Variants in CELF4 observed in about 807,000 individuals in gnomAD.
CELF4 encodes the protein CUG-BP- and ETR-3-like factor 4.
Under a neutral mutation model 59.9 loss-of-function variants are expected in CELF4, and 18 were observed. The observed-to-expected ratio is 0.30, with a 90% CI of 0.21 to 0.45. The LOEUF is 0.45. Among genes scored for constraint, CELF4 ranks in the 20% least tolerant of loss-of-function variants. The pLI, the probability that CELF4 is intolerant of heterozygous loss-of-function variation, is 1.00. For synonymous variants in CELF4, 261 were observed against 267.1 expected (o/e 0.98, Z 0.22); for missense variants, 456 against 689.0 (o/e 0.66, Z 3.79).
At chr18:37,333,734 A>G (rs960728939) in intron 2 of CELF4, among the ~76,000 whole-genome samples, 1 of 148,032 alleles carries the variant, frequency 6.8e-6, no homozygotes, top group South Asian at 2.2e-4. Flanking sequence ...CCATCCATCC[A>G]TCCATCCATC....
chr18:37,560,311 G>A (rs2099986161), intron 1 of CELF4, among the ~76,000 whole-genome samples: 1 of 152,188 alleles, frequency 6.6e-6, no homozygotes, highest in Admixed American at 6.6e-5. Context: ...CTGTTTAAAA[G>A]ACAAATGAAA....
At chr18:37,427,910 T>C (rs1407887742) in intron 2 of CELF4, among the ~76,000 whole-genome samples, 2 of 152,222 alleles carry the variant, frequency 1.3e-5, no homozygotes, top group Non-Finnish European at 2.9e-5. Flanking sequence ...CCCAAATATA[T>C]GCACAACTGG....
intron 3 of CELF4, among the ~76,000 whole-genome samples, chr18:37,302,305 G>A (rs1329098159): frequency 6.6e-6 from 1 of 152,122 alleles, no homozygotes; most frequent in Admixed American, 6.5e-5. Flanking sequence ...GGGGAGAATA[G>A]AATTCCTGTC....
chr18:37,433,090 T>C (rs73947213), intron 2 of CELF4, among the ~76,000 whole-genome samples: 2,941 of 152,146 alleles, frequency 0.019, 84 homozygotes, highest in African/African-American at 0.067. Flanking sequence ...TGAGGGAAAG[T>C]GTGGCTAGGA....
In CELF4 at chr18:37,414,152, TA is replaced by T. The variant is rs149316684; in HGVS notation, c.369+71372del. Among the ~76,000 whole-genome samples, 486 of 152,296 alleles carry T rather than the reference TA, an allele frequency of 3.2e-3. 4 individuals carry two copies. Among genetic ancestry groups the T allele is most frequent in the African/African-American group, 0.011 (465 of 41,572 alleles). ...ACACTTGCTCATTGACTGAAAACAG[TA>T]TAATGCCAGTTTCAAGTTTCTTATT... On this transcript the variant is annotated intron_variant, in intron 2 of 12. Transcript: ENST00000420428.
chr18:37,445,044 A>G (rs955655173), intron 2 of CELF4, among the ~76,000 whole-genome samples: 1 of 152,104 alleles, frequency 6.6e-6, no homozygotes, highest in Non-Finnish European at 1.5e-5. Flanking sequence ...GGGGCATGTA[A>G]CTGTAACTTT....
chr18:37,413,307 G>C (rs1372671882), intron 2 of CELF4, among the ~76,000 whole-genome samples: 2 of 152,092 alleles, frequency 1.3e-5, no homozygotes. Flanking sequence ...TGTTCATGTG[G>C]GTTCCTGTAG....
At chr18:37,399,071 G>A (rs1050316191) in intron 2 of CELF4, among the ~76,000 whole-genome samples, 6 of 152,096 alleles carry the variant, frequency 3.9e-5, no homozygotes, top group Non-Finnish European at 4.4e-5. Context: ...ATGATAGGGC[G>A]CCCAAGGTGA....
chr18:37,391,821 A>G (rs1422604685), intron 2 of CELF4, among the ~76,000 whole-genome samples: 1 of 152,244 alleles, frequency 6.6e-6, no homozygotes, highest in Non-Finnish European at 1.5e-5. Flanking sequence ...AGGCACAGCT[A>G]GGATAAGGCT....
At chr18:37,447,422 T>C (rs1178586523) in intron 2 of CELF4, among the ~76,000 whole-genome samples, 2 of 152,248 alleles carry the variant, frequency 1.3e-5, no homozygotes, top group Non-Finnish European at 2.9e-5. Flanking sequence ...AGTTCCCCAG[T>C]GCTCACTGTC....
intron 1 of CELF4, among the ~76,000 whole-genome samples, chr18:37,561,889 C>T (rs1003606574): frequency 6.6e-6 from 1 of 152,316 alleles, no homozygotes; most frequent in Non-Finnish European, 1.5e-5. Context: ...GAAAAACAAT[C>T]TTTCCCAAAG....
At chr18:37,435,106 G>C (rs769838311) in intron 2 of CELF4, among the ~76,000 whole-genome samples, 1 of 152,132 alleles carries the variant, frequency 6.6e-6, no homozygotes, top group Non-Finnish European at 1.5e-5. Context: ...TTTGGGGGTA[G>C]AGAACCCAGG....
Position 37,411,621 on chromosome 18 carries a change from A to G in CELF4, c.369+73904T>C, listed in dbSNP as rs145491860. 7.1e-4 allele frequency among the ~76,000 whole-genome samples: 108 copies of G among 152,334 alleles called. 1 individual carries two copies. The East Asian group carries it at 0.018, about 25-fold the overall frequency. On this transcript the variant is annotated intron_variant, in intron 2 of 12. Coordinates refer to ENST00000420428, the MANE Select transcript of CELF4 (RefSeq NM_020180.4). The stretch of plus-strand genomic sequence containing the variant: ...TTAACTGGCATTTAAAACACACAAG[A>G]TACCTAAAATCCTACAGAATCCACC...
intron 3 of CELF4, among the ~76,000 whole-genome samples, chr18:37,307,849 A>G (rs2096492461): frequency 1.3e-5 from 2 of 152,166 alleles, no homozygotes; most frequent in African/African-American, 4.8e-5. Flanking sequence ...GGAGCTGGGA[A>G]GGCCAGTAGG....
chr18:37,480,546 T>C (rs2099863761), intron 2 of CELF4, among the ~76,000 whole-genome samples: 1 of 152,238 alleles, frequency 6.6e-6, no homozygotes, highest in African/African-American at 2.4e-5. Context: ...GTTCTTGCCT[T>C]CATCCTTTCT....
chr18:37,481,141 C>T (rs994417654), intron 2 of CELF4, among the ~76,000 whole-genome samples: 19 of 152,126 alleles, frequency 1.2e-4, no homozygotes, highest in Non-Finnish European at 2.2e-4. Context: ...AAGGGGGAGA[C>T]AGCAGGGAGG....
intron 1 of CELF4, among the ~76,000 whole-genome samples, chr18:37,522,689 C>T (rs1389523500): frequency 6.6e-6 from 1 of 152,128 alleles, no homozygotes; most frequent in African/African-American, 2.4e-5. Flanking sequence ...TCAGTGGTCC[C>T]ATCACCCCTT....
At chr18:37,334,479 C>G (rs2097689617) in intron 2 of CELF4, among the ~76,000 whole-genome samples, 1 of 152,146 alleles carries the variant, frequency 6.6e-6, no homozygotes, top group African/African-American at 2.4e-5. Context: ...ACAGTGGGAC[C>G]ACTGCCTTAG....
At chr18:37,339,753 C>CAAAA (rs1300133217) in intron 2 of CELF4, among the ~76,000 whole-genome samples, 1 of 69,398 alleles carries the variant, frequency 1.4e-5, no homozygotes. Flanking sequence ...GACTCTGTCT[C>CAAAA]AAAAAAAAAA....
Sources: gnomAD v4.1 joint callset for allele counts (sites outside exome capture counted in the v4.1 genomes callset) on GRCh38, gnomAD v4.1.1 for gene constraint, MANE v1.5 for transcripts, NCBI Gene and HGNC (gene_info 2026-07-23, HGNC 2026-07-21) for gene names.